KIRREL3: variants seen among roughly 807,000 people sequenced by gnomAD.
The protein encoded by KIRREL3 is kirre like nephrin family adhesion molecule 3, also known as kin of IRRE-like protein 3.
KIRREL3 carries 36 observed loss-of-function variants against 89.7 expected under a neutral mutation model. The ratio of observed to expected loss-of-function variants is 0.40; its 90% CI spans 0.31 to 0.53. The LOEUF (loss-of-function observed/expected upper bound fraction) is 0.53, where lower values mean the gene tolerates loss of function less well. Among genes scored for constraint, KIRREL3 ranks in the 20% least tolerant of loss-of-function variants. The pLI, the probability that KIRREL3 is intolerant of heterozygous loss-of-function variation, is 0.49. For synonymous variants in KIRREL3, 445 were observed against 441.4 expected, an observed-to-expected ratio of 1.01 and a Z score of -0.10; for missense variants, 864 against 1,056.6, an observed-to-expected ratio of 0.82 and a Z score of 2.53.
chr11:126,502,460 A>C (rs911504129), intron 4 of KIRREL3, among the ~76,000 whole-genome samples: 2 of 152,194 alleles, frequency 1.3e-5, no homozygotes, highest in Non-Finnish European at 2.9e-5. Context: ...AAAGCAATTC[A>C]ATTAAGCCCT....
intron 4 of KIRREL3, among the ~76,000 whole-genome samples, chr11:126,517,125 A>AGAGAGG (rs1340314258): frequency 1.4e-4 from 19 of 136,230 alleles, no homozygotes; most frequent in African/African-American, 4.0e-4. Flanking sequence ...AGATTGAGAG[A>AGAGAGG]GAGAGAGAGA....
intron 1 of KIRREL3, among the ~76,000 whole-genome samples, chr11:126,819,269 C>T (rs1349320379): frequency 6.6e-6 from 1 of 152,202 alleles, no homozygotes; most frequent in Non-Finnish European, 1.5e-5. Context: ...CGTTCTGTCC[C>T]CAGCTGAGAG....
At chr11:126,855,330 C>G (rs1031208065) in intron 1 of KIRREL3, among the ~76,000 whole-genome samples, 1 of 152,174 alleles carries the variant, frequency 6.6e-6, no homozygotes, top group Non-Finnish European at 1.5e-5. Context: ...GGAATGCCGG[C>G]TCCTGCGCCT....
In KIRREL3 at chr11:126,520,215, G is replaced by A. The variant is rs953053982; in HGVS notation, c.433+1100C>T. 1.6e-4 allele frequency among the ~76,000 whole-genome samples: 24 copies of A among 152,234 alleles called. No homozygotes were observed. Among genetic ancestry groups the A allele is most frequent in the Non-Finnish European group, 3.4e-4 (23 of 68,034 alleles). Reference sequence around the variant, plus strand: ...GCTGTGTGCTTTAGCTGCCAGGAGAGGAGGCAGCACCCCAGCTGCTGACCC... The same window carrying A: ...GCTGTGTGCTTTAGCTGCCAGGAGAAGAGGCAGCACCCCAGCTGCTGACCC... On this transcript the variant is annotated intron_variant, in intron 4 of 16. Transcript: ENST00000525144. This position sits in a 1 kb window ranked among gnomAD's most constrained non-coding sequence, Gnocchi z 4.9.
chr11:126,546,819 A>G (rs1938846909), intron 2 of KIRREL3, among the ~76,000 whole-genome samples: 2 of 152,214 alleles, frequency 1.3e-5, no homozygotes, highest in Non-Finnish European at 1.5e-5. Flanking sequence ...ATCGTGATGC[A>G]TATTTTCTCC....
intron 1 of KIRREL3, among the ~76,000 whole-genome samples, chr11:126,586,237 T>A (rs1941846672): frequency 6.6e-6 from 1 of 152,204 alleles, no homozygotes; most frequent in African/African-American, 2.4e-5. Context: ...CCACTCCTCA[T>A]GTGTCCTTGT....
intron 1 of KIRREL3, among the ~76,000 whole-genome samples, chr11:126,945,280 C>T (rs1948586083): frequency 6.6e-6 from 1 of 152,184 alleles, no homozygotes; most frequent in Non-Finnish European, 1.5e-5. Context: ...GTGTCTATAG[C>T]TTTTCAGCTA....
At chr11:126,967,461 C>A (rs2135201032) in intron 1 of KIRREL3, among the ~76,000 whole-genome samples, 1 of 152,190 alleles carries the variant, frequency 6.6e-6, no homozygotes, top group African/African-American at 2.4e-5. Flanking sequence ...CAGGAGCTGC[C>A]TTGCAATAAT....
At chr11:126,784,105 C>A (rs377039175) in intron 1 of KIRREL3, among the ~76,000 whole-genome samples, 2 of 152,338 alleles carry the variant, frequency 1.3e-5, no homozygotes, top group East Asian at 1.9e-4. Flanking sequence ...GAAGCCGTCA[C>A]AGCCACGTGG....
At chr11:126,873,453 C>A (rs1945174443) in intron 1 of KIRREL3, among the ~76,000 whole-genome samples, 1 of 152,154 alleles carries the variant, frequency 6.6e-6, no homozygotes, top group African/African-American at 2.4e-5. Context: ...TAGAAAACAC[C>A]AATTTCACAT....
intron 1 of KIRREL3, among the ~76,000 whole-genome samples, chr11:126,831,019 G>A (rs775222685): frequency 3.3e-5 from 5 of 152,222 alleles, no homozygotes; most frequent in Admixed American, 2.0e-4. Context: ...AGCATGGACT[G>A]TGGATCATAG....
In KIRREL3 at chr11:126,802,870, C is replaced by T. The variant is rs888773850; in HGVS notation, c.55+197585G>A. On this transcript the variant is annotated intron_variant, in intron 1 of 16. Transcript: ENST00000525144. This position sits in a 1 kb window ranked among gnomAD's most constrained non-coding sequence, Gnocchi z 5.2. ...CTTAACTCTTGTTTATATCAATTAGCCTGTGGGAAAATTGGCTTTGTTATA... is the reference window on the plus strand; with the variant it reads ...CTTAACTCTTGTTTATATCAATTAGTCTGTGGGAAAATTGGCTTTGTTATA... 2.0e-5 allele frequency among the ~76,000 whole-genome samples: 3 copies of T among 152,056 alleles called. No individual in the cohort carries two copies. Among genetic ancestry groups the T allele is most frequent in the African/African-American group, 7.2e-5 (3 of 41,402 alleles).
In KIRREL3 at chr11:126,764,015, T is replaced by C. The variant is rs911047914; in HGVS notation, c.56-201103A>G. Among the ~76,000 whole-genome samples the C allele has an allele frequency of 1.3e-5, 2 of 152,152 alleles. No individual in the cohort carries two copies. Among genetic ancestry groups the C allele is most frequent in the African/African-American group, 4.8e-5 (2 of 41,428 alleles). ...GCATAGTTCTCCCATCATTCCTTCT[T>C]TGTAGAGGGCAAGGAAAGGTGGGTT... On this transcript the variant is annotated intron_variant, in intron 1 of 16. Transcript: ENST00000525144. This position sits in a 1 kb window ranked among gnomAD's most constrained non-coding sequence, Gnocchi z 4.2.
In KIRREL3 at chr11:126,773,677, GTGTGTGTGTGTGTGTT is replaced by G. The variant is rs1429256430; in HGVS notation, c.56-210781_56-210766del. Among the ~76,000 whole-genome samples the G allele has an allele frequency of 6.6e-6, 1 of 150,894 alleles. No individual in the cohort carries two copies. The highest frequency in any genetic ancestry group is 1.9e-4 in the East Asian group (1 of 5,162). ...AGGAAGAACATCAAGCTGTATGTATGTGTGTGTGTGTGTGTTTGTGTGTGTGTTTTCCTGTGAGCTC... is the reference window on the plus strand; with the variant it reads ...AGGAAGAACATCAAGCTGTATGTATGTGTGTGTGTGTTTTCCTGTGAGCTC... On this transcript the variant is annotated intron_variant, in intron 1 of 16. Coordinates refer to ENST00000525144, the MANE Select transcript of KIRREL3 (RefSeq NM_032531.4). This position sits in a 1 kb window ranked among gnomAD's most constrained non-coding sequence, Gnocchi z 4.2.
At chr11:126,861,048 T>C (rs1223557447) in intron 1 of KIRREL3, among the ~76,000 whole-genome samples, 2 of 152,314 alleles carry the variant, frequency 1.3e-5, no homozygotes, top group East Asian at 3.9e-4. Flanking sequence ...GTGTACTCGT[T>C]TTGTTTGTTC....
chr11:126,447,815 C>T (rs1255236947), intron 8 of KIRREL3, among the ~76,000 whole-genome samples: 1 of 152,202 alleles, frequency 6.6e-6, no homozygotes, highest in Non-Finnish European at 1.5e-5. Context: ...AGTAACAGCA[C>T]TTTCTTCGGA....
chr11:126,482,428 A>G, intron 4 of KIRREL3, among the ~76,000 whole-genome samples: 1 of 152,208 alleles, frequency 6.6e-6, no homozygotes, highest in East Asian at 1.9e-4. Flanking sequence ...TGGCCATGGG[A>G]AAACTGCTTA....
chr11:126,583,559 C>A (rs1941668623), intron 1 of KIRREL3, among the ~76,000 whole-genome samples: 2 of 152,198 alleles, frequency 1.3e-5, no homozygotes, highest in Admixed American at 1.3e-4. Context: ...ACGGGATGCG[C>A]TGTGGAGTTA....
rs544359755 is a variant in KIRREL3, at chr11:126,831,110, T to G, written c.55+169345A>C. 8.3e-4 allele frequency among the ~76,000 whole-genome samples: 127 copies of G among 152,336 alleles called. 1 individual carries two copies. Among genetic ancestry groups the G allele is most frequent in the Non-Finnish European group, 1.6e-3 (106 of 68,028 alleles). On this transcript the variant is annotated intron_variant, in intron 1 of 16. Transcript: ENST00000525144. The stretch of plus-strand genomic sequence containing the variant: ...ATTGTTTATTTTGTATGGGCCTCAC[T>G]GTCTGCACCTATAAAACAGGGACAG...
Sources: gnomAD v4.1 joint callset for allele counts (sites outside exome capture counted in the v4.1 genomes callset) on GRCh38, gnomAD v4.1.1 for gene constraint, Gnocchi (gnomAD v3.1) non-coding constraint, MANE v1.5 for transcripts, NCBI Gene and HGNC (gene_info 2026-07-23, HGNC 2026-07-21) for gene names.